ZBTB20: variants seen among roughly 807,000 people sequenced by gnomAD.
ZBTB20 encodes the protein zinc finger and BTB domain containing 20, also known as zinc finger and BTB domain-containing protein 20.
A neutral mutation model predicts 56.9 loss-of-function variants in ZBTB20; 9 were observed. The ratio of observed to expected loss-of-function variants is 0.16; its 90% CI spans 0.10 to 0.28. The LOEUF (loss-of-function observed/expected upper bound fraction) is 0.28. Among genes scored for constraint, ZBTB20 ranks in the 10% least tolerant of loss-of-function variants. The pLI is 1.00. For missense variants in ZBTB20, 655 were observed against 1,003.0 expected (o/e 0.65, Z 4.69); for synonymous variants, 417 against 420.7 (o/e 0.99, Z 0.11).
chr3:114,939,457 G>T lies in ZBTB20; in HGVS notation c.-456+34909C>A. 1.4e-5 allele frequency among the ~76,000 whole-genome samples: 2 copies of T among 146,098 alleles called. 1 individual carries two copies. The highest frequency in any genetic ancestry group is 1.3e-4 in the Admixed American group (2 of 15,146). ...CTTTTAAAATTAAAAGCTTTGAAAA[G>T]ATACATATTTTAAGACTGGCAGAAA... On this transcript the variant is annotated intron_variant, in intron 3 of 11. Transcript: ENST00000675478.
intron 1 of ZBTB20, among the ~76,000 whole-genome samples, chr3:115,075,757 A>G (rs1323585302): frequency 6.6e-6 from 1 of 152,254 alleles, no homozygotes; most frequent in Admixed American, 6.5e-5. Context: ...TCTATTCTAC[A>G]TAGTACTGGA....
At chr3:114,838,144 C>T (rs2074208684) in intron 4 of ZBTB20, among the ~76,000 whole-genome samples, 1 of 152,068 alleles carries the variant, frequency 6.6e-6, no homozygotes, top group South Asian at 2.1e-4. Flanking sequence ...TGAGGCAATT[C>T]GTGAGGGCCT....
chr3:114,382,627 C>T (rs2108547528), intron 8 of ZBTB20, among the ~76,000 whole-genome samples: 1 of 152,276 alleles, frequency 6.6e-6, no homozygotes, highest in East Asian at 1.9e-4. Context: ...CTTCACTCCC[C>T]ACAGTGAATT....
At chr3:114,875,049 T>G (rs952088703) in intron 4 of ZBTB20, among the ~76,000 whole-genome samples, 3 of 152,198 alleles carry the variant, frequency 2.0e-5, no homozygotes, top group Non-Finnish European at 4.4e-5. Flanking sequence ...TAAATCCCCC[T>G]TGCTATCTTG....
intron 6 of ZBTB20, chr3:114,688,455 AT>A (rs902822508): frequency 6.6e-6 from 1 of 151,804 alleles, no homozygotes; most frequent in African/African-American, 2.4e-5. Flanking sequence ...ATAGAAATGG[AT>A]TTATTCTTCT....
At chr3:114,843,220 T>C (rs952206927) in intron 4 of ZBTB20, among the ~76,000 whole-genome samples, 13 of 152,136 alleles carry the variant, frequency 8.5e-5, no homozygotes, top group African/African-American at 2.2e-4. Context: ...AGTGTCAAAA[T>C]AGACTAATAC....
intron 2 of ZBTB20, among the ~76,000 whole-genome samples, chr3:114,997,508 A>G (rs1328657897): frequency 3.3e-5 from 5 of 151,846 alleles, no homozygotes; most frequent in Admixed American, 2.0e-4. Context: ...CAAAGAAATA[A>G]AGTAATTTTT....
intron 2 of ZBTB20, among the ~76,000 whole-genome samples, chr3:114,981,915 C>T (rs1285394049): frequency 1.3e-5 from 2 of 151,998 alleles, no homozygotes; most frequent in Admixed American, 6.6e-5. Flanking sequence ...TACTTCTTCA[C>T]TACCATGCAA....
At chr3:114,367,965 C>A (rs1242329701) in intron 10 of ZBTB20, among the ~76,000 whole-genome samples, 1 of 152,114 alleles carries the variant, frequency 6.6e-6, no homozygotes, top group Non-Finnish European at 1.5e-5. Flanking sequence ...CAGCCTCAGT[C>A]GTTCTCAGGG....
At chr3:114,355,282 C>T (rs151332500) in intron 10 of ZBTB20, among the ~76,000 whole-genome samples, 3 of 152,028 alleles carry the variant, frequency 2.0e-5, no homozygotes, top group African/African-American at 2.4e-5. Context: ...AAGACTCTTG[C>T]GATAATATTG....
At chr3:114,682,425 A>G (rs2062033490) in intron 6 of ZBTB20, among the ~76,000 whole-genome samples, 3 of 152,174 alleles carry the variant, frequency 2.0e-5, no homozygotes, top group Admixed American at 2.0e-4. Flanking sequence ...TTTTGAGATC[A>G]TAATACTGAG....
intron 6 of ZBTB20, among the ~76,000 whole-genome samples, chr3:114,528,433 A>G (rs184511262): frequency 1.3e-5 from 2 of 152,240 alleles, no homozygotes; most frequent in East Asian, 3.9e-4. Flanking sequence ...TCTTCAGGAT[A>G]AAAAACAAAA....
chr3:114,367,514 C>A (rs1428280756), intron 10 of ZBTB20, among the ~76,000 whole-genome samples: 1 of 152,182 alleles, frequency 6.6e-6, no homozygotes, highest in African/African-American at 2.4e-5. Context: ...CCACACTGGC[C>A]TCCCAAAGTG....
chr3:114,346,848 G>A (rs1452148473), intron 11 of ZBTB20, among the ~76,000 whole-genome samples: 1 of 151,350 alleles, frequency 6.6e-6, no homozygotes, highest in African/African-American at 2.4e-5. Context: ...ACCATGCCTG[G>A]TTAATTTTTA....
At chr3:114,856,328 C>A (rs1263357873) in intron 4 of ZBTB20, among the ~76,000 whole-genome samples, 1 of 151,958 alleles carries the variant, frequency 6.6e-6, no homozygotes. Context: ...ATTCAGAAAC[C>A]ACAAAATGGC....
intron 4 of ZBTB20, among the ~76,000 whole-genome samples, chr3:114,826,242 A>G (rs1168986237): frequency 6.6e-6 from 1 of 151,724 alleles, no homozygotes; most frequent in East Asian, 1.9e-4. Context: ...AATATGTAAT[A>G]TGTCTTCCCA....
At chr3:114,407,176 TG>T (rs2087420152) in intron 7 of ZBTB20, among the ~76,000 whole-genome samples, 1 of 152,192 alleles carries the variant, frequency 6.6e-6, no homozygotes, top group Non-Finnish European at 1.5e-5. Flanking sequence ...TATTTTCTAA[TG>T]TGCTTTGGAT....
At position 114,380,348 on chromosome 3, in the gene ZBTB20, T is replaced by G; in HGVS notation, c.68A>C (p.Gln23Pro). Residue 23 changes from glutamine to proline, a missense_variant, in exon 10 of 12, where the codon CAG becomes CCG. Physicochemically the swap from Gln to Pro is moderately conservative, Grantham distance 76 (BLOSUM62 -1). This residue lies in a region of ZBTB20 where 79 missense variants were observed against 78.4 expected (regional missense o/e 1.01). Transcript: ENST00000675478. Reference sequence around the variant, plus strand: ...CGGCTTGGCGCTGGATCCACCCGGCTGAGTAATCTCATTCTCCTCAGATGC... The same window carrying G: ...CGGCTTGGCGCTGGATCCACCCGGCGGAGTAATCTCATTCTCCTCAGATGC... ...QKASEENEITQPGGSSAKPGL... is the reference protein window; with the variant it reads ...QKASEENEITPPGGSSAKPGL... 2 of 1,537,202 alleles carry G rather than the reference T, an allele frequency of 1.3e-6. No individual in the cohort carries two copies. Among genetic ancestry groups the G allele is most frequent in the South Asian group, 2.4e-5 (2 of 84,064 alleles).
At chr3:114,354,583 G>GTTT (rs1310151895) in intron 10 of ZBTB20, among the ~76,000 whole-genome samples, 2 of 45,470 alleles carry the variant, frequency 4.4e-5, no homozygotes, top group African/African-American at 1.1e-4. Context: ...GTTTTGTTTT[G>GTTT]TTTGTTTTTT....
Sources: allele counts gnomAD v4.1 joint callset (sites outside exome capture counted in the v4.1 genomes callset), GRCh38; gene constraint gnomAD v4.1.1; regional missense constraint gnomAD v4.1.1; transcripts MANE v1.5; gene names NCBI Gene and HGNC (gene_info 2026-07-23, HGNC 2026-07-21).